The following AGK variants were observed in gnomAD, a reference collection of about 807,000 sequenced individuals.
AGK encodes acylglycerol kinase, mitochondrial.
AGK carries 52 observed loss-of-function variants against 66.4 expected under a neutral mutation model. The observed-to-expected ratio is 0.78, with a 90% CI of 0.63 to 0.99. The LOEUF (loss-of-function observed/expected upper bound fraction) is 0.99. Ranked by LOEUF, AGK falls within the 50% of genes least tolerant of loss-of-function variation. The pLI, the probability that AGK is intolerant of heterozygous loss-of-function variation, is 0.00. For synonymous variants in AGK, 182 were observed against 181.1 expected (o/e 1.00, Z -0.04); for missense variants, 451 against 506.6 (o/e 0.89, Z 1.05).
chr7:141,648,390 A>G (rs1027138248), intron 13 of AGK, among the ~76,000 whole-genome samples: 1 of 152,214 alleles, frequency 6.6e-6, no homozygotes, highest in African/African-American at 2.4e-5. Flanking sequence ...ACTGGCACTC[A>G]GTAAGTAGTT....
intron 11 of AGK, among the ~76,000 whole-genome samples, chr7:141,639,711 A>C (rs994415545): frequency 3.3e-5 from 5 of 152,102 alleles, no homozygotes; most frequent in African/African-American, 9.7e-5. Flanking sequence ...ATGTAGGAGG[A>C]GGCTTAGGAT....
At chr7:141,563,872 C>T (rs896737582) in intron 2 of AGK, among the ~76,000 whole-genome samples, 2 of 152,224 alleles carry the variant, frequency 1.3e-5, no homozygotes, top group Non-Finnish European at 2.9e-5. Flanking sequence ...TCCAACACAT[C>T]ATACGTTCCT....
At position 141,654,830 on chromosome 7, in the gene AGK, AGAACAGCTAT is replaced by A. The variant is rs1797655027; in HGVS notation, c.*1910_*1919del. ...AGAGACCAATGCTTTAGTAGATTAC[AGAACAGCTAT>A]GAAAAGTCCATGAATGAAGATCACA... On this transcript the variant is annotated 3_prime_UTR_variant, in exon 16 of 16. Coordinates refer to ENST00000649286, the MANE Select transcript of AGK (RefSeq NM_018238.4). The A allele has an allele frequency of 2.6e-5, 4 of 152,402 alleles. No homozygotes were observed. The South Asian group carries it at 8.3e-4, about 32-fold the overall frequency. The allele number at this position is 152,402 out of a possible 1,614,324, so 9.4% of individuals were successfully genotyped here.
At chr7:141,551,847 C>A (rs1179186553) in intron 1 of AGK, among the ~76,000 whole-genome samples, 1 of 152,154 alleles carries the variant, frequency 6.6e-6, no homozygotes, top group Non-Finnish European at 1.5e-5. Context: ...TTACTAGGTT[C>A]TGGTGCTGCA....
At chr7:141,576,226 G>C (rs1795734635) in intron 2 of AGK, among the ~76,000 whole-genome samples, 1 of 152,064 alleles carries the variant, frequency 6.6e-6, no homozygotes, top group Non-Finnish European at 1.5e-5. Context: ...AATTTTCTCA[G>C]CAAGGCAATT....
At chr7:141,607,455 G>A (rs986082287) in intron 5 of AGK, among the ~76,000 whole-genome samples, 5 of 152,038 alleles carry the variant, frequency 3.3e-5, no homozygotes, top group Non-Finnish European at 7.4e-5. Flanking sequence ...CTTTGGTGAG[G>A]TGTCTGTTCA....
At chr7:141,629,375 G>T (rs976175450) in intron 9 of AGK, among the ~76,000 whole-genome samples, 1 of 152,140 alleles carries the variant, frequency 6.6e-6, no homozygotes, top group Non-Finnish European at 1.5e-5. Flanking sequence ...ATCTGACTGT[G>T]TGCTTGTCTT....
rs1229579685 is a variant in AGK at position 141,599,979 on chromosome 7, G to A, written c.222-1226G>A. ...TGATTTGTGTTCTATATGCCATTTG[G>A]TGGTTCTTTTTAGTTTAAAGAATAT... On this transcript the variant is annotated intron_variant, in intron 4 of 15. Coordinates refer to ENST00000649286, the MANE Select transcript of AGK (RefSeq NM_018238.4). Among the ~76,000 whole-genome samples, 7 of 152,202 alleles carry A rather than the reference G, an allele frequency of 4.6e-5. No homozygotes were observed. In the East Asian group the frequency reaches 9.6e-4, roughly 21 times the overall value.
chr7:141,564,507 A>G (rs2116862856), intron 2 of AGK, among the ~76,000 whole-genome samples: 1 of 152,088 alleles, frequency 6.6e-6, no homozygotes, highest in Non-Finnish European at 1.5e-5. Context: ...GGAGGTAACC[A>G]CTCCCATGAT....
intron 13 of AGK, among the ~76,000 whole-genome samples, chr7:141,647,672 T>TATTG (rs967949373): frequency 7.9e-5 from 12 of 152,248 alleles, no homozygotes; most frequent in African/African-American, 2.6e-4. Context: ...AAATTATTTT[T>TATTG]ATTGATTGAT....
intron 11 of AGK, 132 bp downstream of exon 11, chr7:141,637,149 G>A: frequency 3.0e-6 from 2 of 666,472 alleles, no homozygotes; most frequent in Non-Finnish European, 5.1e-6. Flanking sequence ...AACAGGGCAT[G>A]TTTGATTAAA....
At position 141,651,566 on chromosome 7, in the gene AGK, C is replaced by G; in HGVS notation, c.1088C>G (p.Thr363Arg). ...AACCCCAAGCTGCACGTGGAGGGCA[C>G]GGAGTGTCTCCAAGCCAGCCAGTGC... ...VRNPKLHVEG[T>R]ECLQASQCTL... The change falls in exon 15 of 16, where the codon ACG (threonine) becomes AGG (arginine). Residue 363 changes from threonine to arginine, a missense_variant. By Grantham distance (71) the Thr-to-Arg change is moderately conservative. Coordinates refer to ENST00000649286, the MANE Select transcript of AGK (RefSeq NM_018238.4). 2.5e-6 allele frequency: 4 copies of G among 1,614,206 alleles called. 1 individual carries two copies. The highest frequency in any genetic ancestry group is 2.2e-5 in the East Asian group (1 of 44,888).
intron 13 of AGK, among the ~76,000 whole-genome samples, chr7:141,643,964 C>T (rs1381811251): frequency 6.6e-6 from 1 of 151,996 alleles, no homozygotes; most frequent in Non-Finnish European, 1.5e-5. Flanking sequence ...ATATGCATAC[C>T]TTCTGCCCTA....
At position 141,574,995 on chromosome 7, in the gene AGK, A is replaced by G. The variant is rs148771071; in HGVS notation, c.102-18151A>G. ...GAGGGCAGACGTGGCGTTTTGGCTA[A>G]TAAGTGTTCTTGAATTAATGAATTC... On this transcript the variant is annotated intron_variant, in intron 2 of 15. Coordinates refer to ENST00000649286, the MANE Select transcript of AGK (RefSeq NM_018238.4). 7.8e-4 allele frequency among the ~76,000 whole-genome samples: 119 copies of G among 152,334 alleles called. 1 individual carries two copies. The highest frequency in any genetic ancestry group is 3.4e-3 in the Middle Eastern group (1 of 294).
chr7:141,643,859 T>C (rs1797344212), intron 13 of AGK, among the ~76,000 whole-genome samples: 1 of 152,084 alleles, frequency 6.6e-6, no homozygotes, highest in Non-Finnish European at 1.5e-5. Context: ...TGTTATAGAT[T>C]AAAAGCTTAG....
intron 2 of AGK, among the ~76,000 whole-genome samples, chr7:141,592,572 C>T (rs1358826209): frequency 2.0e-5 from 3 of 152,020 alleles, no homozygotes; most frequent in South Asian, 2.1e-4. Context: ...TCTGAGGATT[C>T]GGATGTGGAA....
chr7:141,573,265 T>C (rs929623581), intron 2 of AGK, among the ~76,000 whole-genome samples: 3 of 152,158 alleles, frequency 2.0e-5, no homozygotes, highest in African/African-American at 7.2e-5. Flanking sequence ...AGGGGAACAT[T>C]TTTAAATTTT....
chr7:141,600,451 TTC>T, intron 4 of AGK, among the ~76,000 whole-genome samples: 1 of 152,192 alleles, frequency 6.6e-6, no homozygotes, highest in Admixed American at 6.6e-5. Flanking sequence ...AGGCTGTTTT[TTC>T]TCTTCTTATA....
intron 9 of AGK, among the ~76,000 whole-genome samples, chr7:141,623,161 C>T (rs1562976651): frequency 2.0e-5 from 3 of 151,982 alleles, no homozygotes; most frequent in Non-Finnish European, 4.4e-5. Flanking sequence ...GGGTGGATCA[C>T]TTGACGTTGG....
Sources: gnomAD v4.1 joint callset for allele counts (sites outside exome capture counted in the v4.1 genomes callset) on GRCh38, gnomAD v4.1.1 for gene constraint, MANE v1.5 for transcripts, NCBI Gene and HGNC (gene_info 2026-07-23, HGNC 2026-07-21) for gene names.